The following TENM3 variants were observed in gnomAD, a reference collection of about 807,000 sequenced individuals.
TENM3 encodes teneurin transmembrane protein 3.
In TENM3, 63 loss-of-function variants were observed where a neutral mutation model predicts 255.1. The ratio of observed to expected loss-of-function variants is 0.25; its 90% CI spans 0.20 to 0.30. TENM3 has a LOEUF of 0.30. Ranked by LOEUF, TENM3 falls within the 10% of genes least tolerant of loss-of-function variation. The pLI is 1.00. For synonymous variants in TENM3, 1,306 were observed against 1,322.3 expected, an observed-to-expected ratio of 0.99 and a Z score of 0.27; for missense variants, 2,929 against 3,461.1, an observed-to-expected ratio of 0.85 and a Z score of 3.86.
chr4:181,737,206 C>T, the TENM3 span, among the ~76,000 whole-genome samples: 3 of 152,034 alleles, frequency 2.0e-5, no homozygotes, highest in East Asian at 1.9e-4. Flanking sequence ...CAATTTAACC[C>T]GAACTTCCAC....
chr4:182,632,566 A>G (rs1394166624), intron 5 of TENM3, among the ~76,000 whole-genome samples: 3 of 152,034 alleles, frequency 2.0e-5, no homozygotes, highest in Non-Finnish European at 4.4e-5. Context: ...TTTGTGTGTG[A>G]ATAGCCTCCA....
intron 1 of TENM3, among the ~76,000 whole-genome samples, chr4:182,263,685 C>T (rs1287479853): frequency 6.6e-6 from 1 of 152,118 alleles, no homozygotes; most frequent in Non-Finnish European, 1.5e-5. Context: ...CTGAGCATTT[C>T]GCCTTGCCCA....
chr4:182,544,614 T>A (rs1334019192), intron 3 of TENM3, among the ~76,000 whole-genome samples: 1 of 152,076 alleles, frequency 6.6e-6, no homozygotes, highest in Non-Finnish European at 1.5e-5. Flanking sequence ...CATTGTGGAT[T>A]TTTAAATAGG....
At chr4:181,583,443 T>C in the TENM3 span, among the ~76,000 whole-genome samples, 1 of 152,196 alleles carries the variant, frequency 6.6e-6, no homozygotes, top group Non-Finnish European at 1.5e-5. Context: ...ATCCGGATAC[T>C]TTTCATGCTC....
At chr4:181,736,366 G>A in the TENM3 span, among the ~76,000 whole-genome samples, 2,827 of 152,212 alleles carry the variant, frequency 0.019, 46 homozygotes, top group Middle Eastern at 0.12. Context: ...AGTAGAGGTT[G>A]TCACACAATA....
the TENM3 span, among the ~76,000 whole-genome samples, chr4:182,135,893 A>T: frequency 6.6e-6 from 1 of 152,204 alleles, no homozygotes; most frequent in Admixed American, 6.5e-5. Context: ...TCTGTTAATG[A>T]TTTGGGATTT....
rs1038814418 is a variant in TENM3 at position 182,679,030 on chromosome 4, G to T, written c.1327-636G>T. 2.0e-5 allele frequency among the ~76,000 whole-genome samples: 3 copies of T among 152,230 alleles called. No individual in the cohort carries two copies. In the East Asian group the frequency reaches 5.8e-4, roughly 29 times the overall value. ...GAACAGTGAGGACACATGGACACAG[G>T]GAGGGGAACATCACCCCAGGGCCTG... On this transcript the variant is annotated intron_variant, in intron 7 of 27. Coordinates refer to ENST00000511685, the MANE Select transcript of TENM3 (RefSeq NM_001080477.4).
chr4:182,391,511 G>C (rs1253960205), intron 3 of TENM3, among the ~76,000 whole-genome samples: 2 of 152,148 alleles, frequency 1.3e-5, no homozygotes, highest in Admixed American at 6.5e-5. Context: ...ACAGGCACAC[G>C]GCTGTTAGAA....
the TENM3 span, among the ~76,000 whole-genome samples, chr4:181,712,721 A>T: frequency 6.6e-6 from 1 of 152,222 alleles, no homozygotes; most frequent in Non-Finnish European, 1.5e-5. Flanking sequence ...AATGTATGTT[A>T]TATGAAGATC....
At chr4:181,666,246 C>A in the TENM3 span, among the ~76,000 whole-genome samples, 1 of 152,132 alleles carries the variant, frequency 6.6e-6, no homozygotes, top group Non-Finnish European at 1.5e-5. Flanking sequence ...TTATACTGTC[C>A]ATGTCTTTAT....
intron 3 of TENM3, among the ~76,000 whole-genome samples, chr4:182,465,043 C>T (rs1037278417): frequency 2.6e-5 from 4 of 152,080 alleles, no homozygotes; most frequent in Non-Finnish European, 4.4e-5. Flanking sequence ...CATTGAGGTA[C>T]TTTTTGCAGA....
the TENM3 span, among the ~76,000 whole-genome samples, chr4:181,782,420 C>T: frequency 3.6e-3 from 542 of 152,036 alleles, 3 homozygotes; most frequent in Middle Eastern, 0.014. Flanking sequence ...AGTTGTTTAT[C>T]GTATTCTCTG....
At chr4:181,560,671 T>G in the TENM3 span, among the ~76,000 whole-genome samples, 1 of 152,130 alleles carries the variant, frequency 6.6e-6, no homozygotes, top group Non-Finnish European at 1.5e-5. Flanking sequence ...TTTTTCCACA[T>G]CAGCAGCACA....
At chr4:182,586,711 T>C (rs1182750373) in intron 3 of TENM3, among the ~76,000 whole-genome samples, 1 of 152,212 alleles carries the variant, frequency 6.6e-6, no homozygotes, top group Non-Finnish European at 1.5e-5. Context: ...TATTTCATGT[T>C]CATGATAATA....
intron 1 of TENM3, among the ~76,000 whole-genome samples, chr4:182,181,652 C>T (rs1045442752): frequency 3.9e-5 from 6 of 152,100 alleles, no homozygotes; most frequent in African/African-American, 7.3e-5. Context: ...TGATTTTCAG[C>T]AGAGCCGAGT....
intron 3 of TENM3, among the ~76,000 whole-genome samples, chr4:182,550,222 A>G (rs1469882077): frequency 6.6e-6 from 1 of 152,204 alleles, no homozygotes; most frequent in African/African-American, 2.4e-5. Flanking sequence ...TTGTAGTCAT[A>G]TGTATGTATG....
the TENM3 span, among the ~76,000 whole-genome samples, chr4:181,699,472 A>AAAAAAAAAAAAAAAAAAAAT: frequency 7.5e-6 from 1 of 132,998 alleles, no homozygotes; most frequent in African/African-American, 3.0e-5. Context: ...AAAAAAAAAA[A>AAAAAAAAAAAAAAAAAAAAT]GAAAGAAAGA....
intron 2 of TENM3, among the ~76,000 whole-genome samples, chr4:182,328,511 C>T (rs1338646198): frequency 7.9e-5 from 12 of 151,590 alleles, no homozygotes; most frequent in African/African-American, 1.9e-4. Context: ...CCACTGCACC[C>T]GGCCAGGACT....
intron 1 of TENM3, among the ~76,000 whole-genome samples, chr4:182,304,508 G>A (rs1001238692): frequency 4.1e-4 from 63 of 152,210 alleles, no homozygotes; most frequent in African/African-American, 1.4e-3. Flanking sequence ...CACTGTGCCC[G>A]GCCAAGATAA....
Sources: gnomAD v4.1 joint callset for allele counts (sites outside exome capture counted in the v4.1 genomes callset) on GRCh38, gnomAD v4.1.1 for gene constraint, MANE v1.5 for transcripts, NCBI Gene and HGNC (gene_info 2026-07-23, HGNC 2026-07-21) for gene names.